The following TRDN variants were observed in gnomAD, a reference collection of about 807,000 sequenced individuals.
The protein encoded by TRDN is triadin in skeletal muscle.
Under a neutral mutation model 149.7 loss-of-function variants are expected in TRDN, and 161 were observed. The ratio of observed to expected loss-of-function variants is 1.08; its 90% CI spans 0.95 to 1.23. The LOEUF (loss-of-function observed/expected upper bound fraction) is 1.23, where lower values mean the gene tolerates loss of function less well. Among genes scored for constraint, TRDN ranks in the 50% most tolerant of loss-of-function variants. TRDN has a pLI of 0.00. For synonymous variants in TRDN, 294 were observed against 250.5 expected (o/e 1.17, Z -1.64); for missense variants, 896 against 823.5 (o/e 1.09, Z -1.08).
intron 2 of TRDN, among the ~76,000 whole-genome samples, chr6:123,554,372 T>C (rs1306784317): frequency 6.6e-6 from 1 of 152,210 alleles, no homozygotes; most frequent in African/African-American, 2.4e-5. Flanking sequence ...ATAATTGATA[T>C]CTAGGTGGTT....
intron 4 of TRDN, 42 bp from the exon 5 acceptor site, chr6:123,530,607 G>A (rs1780199436): frequency 1.8e-6 from 2 of 1,115,194 alleles, no homozygotes; most frequent in South Asian, 3.5e-5. Flanking sequence ...CTCTGAAAAT[G>A]TATAAAATTT....
chr6:123,246,352 GA>G (rs1776180251), intron 38 of TRDN, among the ~76,000 whole-genome samples: 1 of 151,656 alleles, frequency 6.6e-6, no homozygotes, highest in African/African-American at 2.4e-5. Flanking sequence ...TAATACAGAA[GA>G]AAAGAAAGAA....
chr6:123,381,675 C>T (rs1781725369), intron 15 of TRDN, among the ~76,000 whole-genome samples: 1 of 151,982 alleles, frequency 6.6e-6, no homozygotes, highest in South Asian at 2.1e-4. Context: ...GTCTCTTAAA[C>T]ACATAAAAAC....
intron 12 of TRDN, among the ~76,000 whole-genome samples, chr6:123,434,369 G>C (rs1274952870): frequency 6.6e-6 from 1 of 152,110 alleles, no homozygotes; most frequent in Non-Finnish European, 1.5e-5. Flanking sequence ...AAATGGTTTG[G>C]CAGAGCAGAT....
intron 1 of TRDN, among the ~76,000 whole-genome samples, chr6:123,584,174 T>A (rs556162307): frequency 1.3e-5 from 2 of 151,832 alleles, no homozygotes; most frequent in Non-Finnish European, 2.9e-5. Flanking sequence ...TGTGGGAGGC[T>A]GGATTGAAGT....
At chr6:123,260,043 C>G (rs1776708611) in intron 34 of TRDN, among the ~76,000 whole-genome samples, 1 of 151,790 alleles carries the variant, frequency 6.6e-6, no homozygotes. Flanking sequence ...AAGGGATCCT[C>G]CCTCCTCACC....
chr6:123,521,438 A>T (rs1425862591), intron 5 of TRDN, among the ~76,000 whole-genome samples: 1 of 152,060 alleles, frequency 6.6e-6, no homozygotes, highest in African/African-American at 2.4e-5. Flanking sequence ...CAGGGAGAGC[A>T]TCATTTGAAG....
At chr6:123,618,003 C>T (rs1252110410) in intron 1 of TRDN, among the ~76,000 whole-genome samples, 1 of 152,088 alleles carries the variant, frequency 6.6e-6, no homozygotes, top group Non-Finnish European at 1.5e-5. Context: ...TCCCAAAGTG[C>T]TGTGATTACA....
intron 40 of TRDN, 65 bp from the exon 41 acceptor site, chr6:123,218,805 C>A (rs1775035648): frequency 2.0e-6 from 3 of 1,488,818 alleles, no homozygotes; most frequent in South Asian, 1.3e-5. Context: ...CACAGTGAGG[C>A]AGTGCAGTGC....
In TRDN at chr6:123,274,644, G is replaced by C. The variant is rs1777311734; in HGVS notation, c.1594C>G (p.Pro532Ala). Residue 532 changes from proline (P) to alanine (A), a missense_variant, in exon 27 of 41, where the codon CCA (proline) becomes GCA (alanine). Transcript: ENST00000334268. ...TATAAAATAAAGCTCATGTTACCTGGTTTTGCTTCTTTTTTAATTTGGGGC... is the reference window on the plus strand; with the variant it reads ...TATAAAATAAAGCTCATGTTACCTGCTTTTGCTTCTTTTTTAATTTGGGGC... The part of the protein sequence containing the change: ...PEPQIKKEAK[P>A]AISEKVQIHK... The C allele has an allele frequency of 6.2e-7, 1 of 1,608,076 alleles. No homozygotes were observed. The highest frequency in any genetic ancestry group is 1.3e-5 in the African/African-American group (1 of 74,684).
chr6:123,402,545 C>T (rs189153089), intron 12 of TRDN, among the ~76,000 whole-genome samples: 1 of 152,196 alleles, frequency 6.6e-6, no homozygotes. Context: ...AAATTATGGT[C>T]AAAATAATTG....
intron 4 of TRDN, among the ~76,000 whole-genome samples, chr6:123,534,773 G>A (rs1490555174): frequency 6.6e-6 from 1 of 152,114 alleles, no homozygotes; most frequent in Non-Finnish European, 1.5e-5. Context: ...GCAAAGATAG[G>A]TGAATGTCTC....
intron 6 of TRDN, among the ~76,000 whole-genome samples, chr6:123,515,709 T>A (rs1255872295): frequency 1.4e-4 from 21 of 152,040 alleles, no homozygotes; most frequent in Admixed American, 1.4e-3. Flanking sequence ...TCACAAAGTA[T>A]CTTTATGTGT....
At chr6:123,601,591 C>G (rs1028696834) in intron 1 of TRDN, among the ~76,000 whole-genome samples, 2 of 152,074 alleles carry the variant, frequency 1.3e-5, no homozygotes, top group Admixed American at 1.3e-4. Flanking sequence ...CTCCTCTAAG[C>G]AGTCAGGGCT....
At chr6:123,352,733 T>C (rs1780515785) in intron 20 of TRDN, 147 bp from the exon 21 acceptor site, 1 of 1,153,960 alleles carries the variant, frequency 8.7e-7, no homozygotes, top group African/African-American at 1.6e-5. Context: ...CATTTCTCTA[T>C]AACGCAATTG....
chr6:123,569,542 C>T (rs1328512791), intron 2 of TRDN, among the ~76,000 whole-genome samples: 1 of 152,150 alleles, frequency 6.6e-6, no homozygotes, highest in African/African-American at 2.4e-5. Context: ...ATACTTAAGA[C>T]TGGGTAATTT....
chr6:123,311,709 A>G (rs1778829415), intron 24 of TRDN, among the ~76,000 whole-genome samples: 1 of 152,018 alleles, frequency 6.6e-6, no homozygotes, highest in Admixed American at 6.6e-5. Flanking sequence ...CAGAGAGAAT[A>G]TCATGAAAGT....
At chr6:123,273,312 C>A in intron 28 of TRDN, 25 bp downstream of exon 28, 1 of 1,080,850 alleles carries the variant, frequency 9.3e-7, no homozygotes, top group Non-Finnish European at 1.3e-6. Flanking sequence ...AAAGTCTAAG[C>A]ATAAAAGATA....
intron 2 of TRDN, among the ~76,000 whole-genome samples, chr6:123,551,967 A>G (rs184859505): frequency 3.3e-5 from 5 of 152,210 alleles, no homozygotes; most frequent in Admixed American, 1.3e-4. Context: ...TGCTTCAGTC[A>G]TCTTGTAACC....
Sources: allele counts gnomAD v4.1 joint callset (sites outside exome capture counted in the v4.1 genomes callset), GRCh38; gene constraint gnomAD v4.1.1; transcripts MANE v1.5; gene names NCBI Gene and HGNC (gene_info 2026-07-23, HGNC 2026-07-21).